CALN1: variants seen among roughly 807,000 people sequenced by gnomAD.
The protein encoded by CALN1 is calcium-binding protein 8.
In CALN1, 17 loss-of-function variants were observed where a neutral mutation model predicts 30.6. That is an observed-to-expected ratio of 0.56 (90% CI 0.38 to 0.83). CALN1 has a LOEUF of 0.83. Among genes scored for constraint, CALN1 ranks in the 40% least tolerant of loss-of-function variants. The pLI, the probability that CALN1 is intolerant of heterozygous loss-of-function variation, is 0.00. For missense variants in CALN1, 291 were observed against 354.9 expected (o/e 0.82, Z 1.45); for synonymous variants, 156 against 131.4 (o/e 1.19, Z -1.28).
intron 5 of CALN1, among the ~76,000 whole-genome samples, chr7:71,855,793 G>A (rs1289375033): frequency 6.6e-6 from 1 of 152,132 alleles, no homozygotes; most frequent in Non-Finnish European, 1.5e-5. Context: ...AACTCTGTGA[G>A]CTACCCAGTG....
chr7:72,106,126 G>T (rs1273200129), intron 4 of CALN1, 25 bp downstream of exon 4: 1 of 1,611,026 alleles, frequency 6.2e-7, no homozygotes, highest in Non-Finnish European at 8.5e-7. Context: ...TGTCTCAGGG[G>T]AGAAGCTGCT....
At chr7:71,859,541 T>C (rs773183436) in intron 5 of CALN1, among the ~76,000 whole-genome samples, 1 of 152,182 alleles carries the variant, frequency 6.6e-6, no homozygotes, top group Non-Finnish European at 1.5e-5. Context: ...GCTATATGAG[T>C]TTGAGACTGT....
chr7:72,371,298 T>A (rs886696657), intron 2 of CALN1, among the ~76,000 whole-genome samples: 2 of 152,202 alleles, frequency 1.3e-5, no homozygotes, highest in East Asian at 3.8e-4. Flanking sequence ...TGTATGCATA[T>A]GATATGGTCA....
In CALN1 at chr7:71,873,709, CA is replaced by C. The variant is rs1205091207; in HGVS notation, c.502-63218del. ...TGGGCAGAATCTTGGGGCCAGGCCC[CA>C]AAAATCTGTAGTTTTAACGCACTGC... On this transcript the variant is annotated intron_variant, in intron 5 of 6. Transcript: ENST00000395275. 3.9e-5 allele frequency among the ~76,000 whole-genome samples: 6 copies of C among 152,320 alleles called. No homozygotes were observed. The East Asian group carries it at 1.2e-3, about 29-fold the overall frequency.
At chr7:72,281,868 A>G (rs751503884) in intron 2 of CALN1, among the ~76,000 whole-genome samples, 1 of 152,186 alleles carries the variant, frequency 6.6e-6, no homozygotes, top group Non-Finnish European at 1.5e-5. Context: ...CACAGAATAA[A>G]TGTTGAGTAC....
At chr7:72,406,267 C>A (rs1036275524) in intron 1 of CALN1, among the ~76,000 whole-genome samples, 1 of 152,152 alleles carries the variant, frequency 6.6e-6, no homozygotes, top group African/African-American at 2.4e-5. Context: ...TAATGAAGCA[C>A]CCCATGTTGG....
At chr7:71,932,111 G>A (rs1235916659) in intron 5 of CALN1, among the ~76,000 whole-genome samples, 2 of 152,168 alleles carry the variant, frequency 1.3e-5, no homozygotes, top group Non-Finnish European at 2.9e-5. Flanking sequence ...GTCCCAGGTT[G>A]TCAGTGTGCT....
chr7:72,459,625 C>CAAAA, the CALN1 span, among the ~76,000 whole-genome samples: 4 of 44,480 alleles, frequency 9.0e-5, no homozygotes, highest in African/African-American at 1.5e-4. Flanking sequence ...AACCCTGTCT[C>CAAAA]AAAAAAAAAA....
intron 5 of CALN1, among the ~76,000 whole-genome samples, chr7:71,980,070 T>G (rs1187382981): frequency 2.1e-5 from 3 of 145,404 alleles, no homozygotes; most frequent in African/African-American, 2.5e-5. Context: ...AAGAGACAGG[T>G]TTTTACCATG....
At chr7:72,366,257 T>C (rs1303721464) in intron 2 of CALN1, among the ~76,000 whole-genome samples, 1 of 152,034 alleles carries the variant, frequency 6.6e-6, no homozygotes, top group Non-Finnish European at 1.5e-5. Flanking sequence ...CAATGCAACC[T>C]CCACCTCCCA....
At chr7:72,409,074 C>G (rs1806915977) in intron 1 of CALN1, among the ~76,000 whole-genome samples, 1 of 151,894 alleles carries the variant, frequency 6.6e-6, no homozygotes, top group Non-Finnish European at 1.5e-5. Flanking sequence ...CAGCTTACTG[C>G]AACTTCCGCC....
intron 2 of CALN1, among the ~76,000 whole-genome samples, chr7:72,288,754 T>C (rs1257430287): frequency 3.9e-5 from 6 of 152,226 alleles, no homozygotes; most frequent in African/African-American, 7.2e-5. Flanking sequence ...TCTTTATGTA[T>C]TGGATTGTTT....
chr7:71,979,018 C>A (rs1197793774), intron 5 of CALN1, among the ~76,000 whole-genome samples: 2 of 152,044 alleles, frequency 1.3e-5, no homozygotes, highest in African/African-American at 4.8e-5. Flanking sequence ...AGAGAAAGTG[C>A]AAATTTAATT....
intron 5 of CALN1, among the ~76,000 whole-genome samples, chr7:71,958,869 C>T (rs183186427): frequency 2.6e-5 from 4 of 152,284 alleles, no homozygotes; most frequent in Non-Finnish European, 4.4e-5. Context: ...TCCCACCCAG[C>T]CTCACAACAG....
At position 72,077,886 on chromosome 7, in the gene CALN1, T is replaced by TTA. The variant is rs575603210; in HGVS notation, c.388+28263_388+28264dup. On this transcript the variant is annotated intron_variant, in intron 4 of 6. Transcript: ENST00000395275. The stretch of plus-strand genomic sequence containing the variant: ...ATGCCAGGTACCTGATAATTGTCAC[T>TTA]TACAGACTGTTGGAAACATCGAGGC... Among the ~76,000 whole-genome samples the TTA allele has an allele frequency of 2.1e-3, 317 of 152,316 alleles. 4 individuals carry two copies. Among genetic ancestry groups the TTA allele is most frequent in the Middle Eastern group, 0.017 (5 of 294 alleles).
intron 2 of CALN1, among the ~76,000 whole-genome samples, chr7:72,345,295 A>C (rs1254532882): frequency 6.7e-6 from 1 of 148,696 alleles, no homozygotes; most frequent in Non-Finnish European, 1.5e-5. Context: ...CACATGGTGA[A>C]TGGTTTAAAA....
intron 2 of CALN1, among the ~76,000 whole-genome samples, chr7:72,384,898 G>T (rs1240401943): frequency 6.6e-6 from 1 of 151,968 alleles, no homozygotes; most frequent in Non-Finnish European, 1.5e-5. Context: ...ATTTGAGAAC[G>T]CATATCTGAT....
chr7:72,045,857 G>A (rs544392942), intron 4 of CALN1, among the ~76,000 whole-genome samples: 1 of 151,942 alleles, frequency 6.6e-6, no homozygotes, highest in African/African-American at 2.4e-5. Context: ...AAAATTAGCT[G>A]GGTGTGGTGG....
rs763977683 is a variant in CALN1, at chr7:71,787,738, C to T, written c.*37G>A. 28 of 1,610,432 alleles carry T rather than the reference C, an allele frequency of 1.7e-5. No homozygotes were observed. Among genetic ancestry groups the T allele is most frequent in the Middle Eastern group, 1.8e-4 (1 of 5,502 alleles). ...TCTGCCCGCACGGCATGCACATGCGCGGTGAGCTGCAACACAGTGTGGCTG... is the reference window on the plus strand; with the variant it reads ...TCTGCCCGCACGGCATGCACATGCGTGGTGAGCTGCAACACAGTGTGGCTG... On this transcript the variant is annotated 3_prime_UTR_variant, in exon 7 of 7. Coordinates refer to ENST00000395275, the MANE Select transcript of CALN1 (RefSeq NM_031468.4).
Sources: gnomAD v4.1 joint callset for allele counts (sites outside exome capture counted in the v4.1 genomes callset) on GRCh38, gnomAD v4.1.1 for gene constraint, MANE v1.5 for transcripts, NCBI Gene and HGNC (gene_info 2026-07-23, HGNC 2026-07-21) for gene names.